Variants in PIGP observed in about 807,000 individuals in gnomAD.
PIGP encodes phosphatidylinositol N-acetylglucosaminyltransferase subunit P.
PIGP carries 12 observed loss-of-function variants against 16.9 expected under a neutral mutation model. The ratio of observed to expected loss-of-function variants is 0.71; its 90% CI spans 0.46 to 1.15. The LOEUF is 1.15. Ranked by LOEUF, PIGP falls within the 50% of genes most tolerant of loss-of-function variation. The probability of loss-of-function intolerance (pLI) is 0.00; values close to 1 mark genes in which losing one functional copy is unlikely to be tolerated. For synonymous variants in PIGP, 57 were observed against 54.7 expected (o/e 1.04, Z -0.18); for missense variants, 159 against 153.5 (o/e 1.04, Z -0.19).
In PIGP at chr21:37,067,294, G is replaced by T. The variant is rs2146806232; in HGVS notation, c.242C>A (p.Thr81Asn). The T allele has an allele frequency of 2.5e-6, 4 of 1,604,636 alleles. No individual in the cohort carries two copies. In the East Asian group the frequency reaches 8.9e-5, roughly 36 times the overall value. ...TGTATGGATGGAGTCGAGTGGAGAG[G>T]TACTCATCATGTTAATCCCAAACAA... Reference protein sequence around the residue: ...VLLFGINMMSTSPLDSIHTIT... With the variant: ...VLLFGINMMSNSPLDSIHTIT... The change falls in exon 4 of 5, where the codon ACC becomes AAC. Residue 81 changes from threonine to asparagine, a missense_variant. Thr to Asn is a moderately conservative substitution (Grantham distance 65). Transcript: ENST00000360525.
Position 37,072,723 on chromosome 21 carries a change from AG to A in PIGP, c.-22-187del. On this transcript the variant is annotated intron_variant, in intron 1 of 4. Transcript: ENST00000360525. ...CCCAGGCTGGCGCGCGCCCCGCAAC[AG>A]AAGGGGTGGCGGAGGATAGGGCAGG... The A allele has an allele frequency of 5.6e-6, 5 of 885,858 alleles. No homozygotes were observed. In the South Asian group the frequency reaches 8.1e-5, roughly 14 times the overall value. 54.9% of individuals were successfully genotyped at this position (885,858 alleles called of 1,614,324 possible).
intron 3 of PIGP, 41 bp from the exon 4 acceptor site, chr21:37,067,421 A>C: frequency 8.9e-7 from 1 of 1,129,166 alleles, no homozygotes; most frequent in Non-Finnish European, 1.3e-6. Context: ...GACACTTTAA[A>C]AAAGTTGTAA....
chr21:37,068,958 T>A (rs2069953011), intron 3 of PIGP, among the ~76,000 whole-genome samples: 1 of 152,208 alleles, frequency 6.6e-6, no homozygotes, highest in South Asian at 2.1e-4. Context: ...AGACTCTTAC[T>A]TAACCTTGCC....
At chr21:37,072,700 C>T in intron 1 of PIGP, 163 bp from the exon 2 acceptor site, 2 of 1,128,962 alleles carry the variant, frequency 1.8e-6, no homozygotes, top group Non-Finnish European at 2.5e-6. Context: ...TACAGACACC[C>T]AGGCTGGCGC....
Position 37,066,971 on chromosome 21 carries a change from C to CGTGTGTGTGT in PIGP, c.274+281_274+290dup, listed in dbSNP as rs56940945. Among the ~76,000 whole-genome samples, 364 of 143,830 alleles carry CGTGTGTGTGT rather than the reference C, an allele frequency of 2.5e-3. 1 individual carries two copies. The highest frequency in any genetic ancestry group is 8.0e-3 in the African/African-American group (308 of 38,686). The allele number at this position is 143,830 out of a possible 152,430, so 94.4% of individuals were successfully genotyped here. ...CTCTTAGTAGCTTCTTTTTACTGTC[C>CGTGTGTGTGT]GTGTGTGTGTGTGTGTGTGTGTGTG... On this transcript the variant is annotated intron_variant, in intron 4 of 4. Transcript: ENST00000360525.
chr21:37,065,380 A>G lies in PIGP; in HGVS notation c.*202T>C. On this transcript the variant is annotated 3_prime_UTR_variant, in exon 5 of 5. Coordinates refer to ENST00000360525, the MANE Select transcript of PIGP (RefSeq NM_153682.3). ...TTTTTTTTTAAGTCTGCTATATGGG[A>G]ATGCAATATTGTATTTATTCTATTC... 2.4e-6 allele frequency: 1 copy of G among 423,018 alleles called. No individual in the cohort carries two copies. The highest frequency in any genetic ancestry group is 4.1e-6 in the Non-Finnish European group (1 of 243,662). The allele number at this position is 423,018 out of a possible 1,614,324, so 26.2% of individuals were successfully genotyped here.
intron 3 of PIGP, among the ~76,000 whole-genome samples, chr21:37,068,694 G>A (rs2069947896): frequency 6.6e-6 from 1 of 152,202 alleles, no homozygotes; most frequent in Admixed American, 6.5e-5. Context: ...CACTCTGAGA[G>A]ACTTGGCCAC....
chr21:37,070,386 A>G (rs972011215), intron 2 of PIGP, among the ~76,000 whole-genome samples: 7 of 152,202 alleles, frequency 4.6e-5, no homozygotes, highest in African/African-American at 1.7e-4. Flanking sequence ...GAGACACAAT[A>G]TTGAATCCAA....
rs760394467 is a variant in PIGP, at chr21:37,072,468, G to A, written c.48C>T (p.Gly16=). The A allele has an allele frequency of 1.1e-5, 18 of 1,614,112 alleles. No individual in the cohort carries two copies. The South Asian group carries it at 1.9e-4, about 17-fold the overall frequency. ...ATTGGGAGCTTAAGAAAAGAACAAA[G>A]CCATAAATCGCTCTTTCTGGCAATG... The part of the protein sequence containing the change: ...PSPLPERAIY[G]FVLFLSSQFG... Residue 16 remains glycine (G), a synonymous_variant, in exon 2 of 5, where the codon GGC becomes GGT. Coordinates refer to ENST00000360525, the MANE Select transcript of PIGP (RefSeq NM_153682.3).
intron 4 of PIGP, among the ~76,000 whole-genome samples, chr21:37,067,016 T>G (rs1419230570): frequency 7.7e-6 from 1 of 130,234 alleles, no homozygotes; most frequent in Non-Finnish European, 1.7e-5. Context: ...GTGTGTGTGT[T>G]TTCTTTTAGG....
In PIGP at chr21:37,065,491, G is replaced by T; in HGVS notation, c.*91C>A. ...ACATTTTTTACTTCTCTATTAATAAGAGAGATGGTCAAATTAATTTATGGT... is the reference window on the plus strand; with the variant it reads ...ACATTTTTTACTTCTCTATTAATAATAGAGATGGTCAAATTAATTTATGGT... On this transcript the variant is annotated 3_prime_UTR_variant, in exon 5 of 5. Transcript: ENST00000360525. 7.8e-7 allele frequency: 1 copy of T among 1,282,264 alleles called. No homozygotes were observed. Among genetic ancestry groups the T allele is most frequent in the Non-Finnish European group, 1.1e-6 (1 of 923,226 alleles). 79.4% of individuals were successfully genotyped at this position (1,282,264 alleles called of 1,614,324 possible).
At chr21:37,068,005 TGA>T (rs1167648696) in intron 3 of PIGP, among the ~76,000 whole-genome samples, 2 of 63,318 alleles carry the variant, frequency 3.2e-5, no homozygotes, top group Non-Finnish European at 2.8e-5. Flanking sequence ...TATTTTTCAT[TGA>T]GTGTTTTTTT....
At chr21:37,068,281 G>A (rs933985407) in intron 3 of PIGP, among the ~76,000 whole-genome samples, 2 of 150,736 alleles carry the variant, frequency 1.3e-5, no homozygotes, top group Non-Finnish European at 3.0e-5. Flanking sequence ...AATTTTTAAC[G>A]ATTATACTTT....
chr21:37,070,692 C>T (rs1304184164), intron 2 of PIGP, among the ~76,000 whole-genome samples: 1 of 152,198 alleles, frequency 6.6e-6, no homozygotes, highest in African/African-American at 2.4e-5. Context: ...TTGGTCCTTC[C>T]TGGCCTGTAA....
rs1025868353 is a variant in PIGP, at chr21:37,067,396, T to G, written c.156-16A>C. ...TGCCCAATATCTGCCAAAGAGAATA[T>G]TAAAGTACATAATAGACACTTTAAA... On this transcript the variant is annotated splice_polypyrimidine_tract_variant and intron_variant, in intron 3 of 4. Coordinates refer to ENST00000360525, the MANE Select transcript of PIGP (RefSeq NM_153682.3). The G allele has an allele frequency of 2.2e-6, 3 of 1,338,846 alleles. No individual in the cohort carries two copies. In the Admixed American group the frequency reaches 5.1e-5, roughly 23 times the overall value. The allele number at this position is 1,338,846 out of a possible 1,614,324, so 82.9% of individuals were successfully genotyped here.
intron 2 of PIGP, among the ~76,000 whole-genome samples, chr21:37,071,050 C>T (rs1464070591): frequency 1.3e-5 from 2 of 152,230 alleles, no homozygotes; most frequent in Admixed American, 6.5e-5. Flanking sequence ...CGTGAGCCAC[C>T]AGGCCGGCCA....
chr21:37,072,511 A>G lies in PIGP; in HGVS notation c.5T>C (p.Val2Ala). 1 of 1,614,226 alleles carries G rather than the reference A, an allele frequency of 6.2e-7. No homozygotes were observed. The change falls in exon 2 of 5, where the codon GTG (valine) becomes GCG (alanine). Residue 2 changes from valine (V) to alanine (A), a missense_variant. Coordinates refer to ENST00000360525, the MANE Select transcript of PIGP (RefSeq NM_153682.3). ...TGGCAATGGCGACGGTGAATTTTCC[A>G]CCATTTTTCCTGGGGCTTTAGACAA... M[V>A]ENSPSPLPER...
intron 2 of PIGP, chr21:37,071,999 C>G: frequency 1.5e-6 from 1 of 682,410 alleles, no homozygotes; most frequent in Non-Finnish European, 2.7e-6. Flanking sequence ...CTTTCCACTT[C>G]TTCCCTCCCT....
intron 1 of PIGP, 192 bp from the exon 2 acceptor site, chr21:37,072,729 G>C: frequency 1.2e-6 from 1 of 831,036 alleles, no homozygotes; most frequent in Non-Finnish European, 1.9e-6. Flanking sequence ...CAACAGAAGG[G>C]GTGGCGGAGG....
Sources: allele counts gnomAD v4.1 joint callset (sites outside exome capture counted in the v4.1 genomes callset), GRCh38; gene constraint gnomAD v4.1.1; transcripts MANE v1.5; gene names NCBI Gene and HGNC (gene_info 2026-07-23, HGNC 2026-07-21).